The following BMPER variants were observed in gnomAD, a reference collection of about 807,000 sequenced individuals.
BMPER encodes BMP-binding endothelial regulator protein.
Under a neutral mutation model 87.3 loss-of-function variants are expected in BMPER, and 45 were observed. That is an observed-to-expected ratio of 0.52 (90% confidence interval 0.41 to 0.66). BMPER has a LOEUF of 0.66. Ranked by LOEUF, BMPER falls within the 30% of genes least tolerant of loss-of-function variation. The pLI is 0.00. For missense variants in BMPER, 784 were observed against 867.5 expected, an observed-to-expected ratio of 0.90 and a Z score of 1.21; for synonymous variants, 326 against 316.2, an observed-to-expected ratio of 1.03 and a Z score of -0.33.
chr7:33,927,557 A>G (rs887091215), intron 2 of BMPER, among the ~76,000 whole-genome samples: 2 of 152,190 alleles, frequency 1.3e-5, no homozygotes, highest in Non-Finnish European at 2.9e-5. Context: ...CCATCTTCCT[A>G]TATTGCAGTA....
chr7:33,919,058 G>GT (rs1361393218), intron 2 of BMPER, among the ~76,000 whole-genome samples: 1 of 152,160 alleles, frequency 6.6e-6, no homozygotes, highest in Non-Finnish European at 1.5e-5. Flanking sequence ...GTGCACGTGT[G>GT]TGGGGGGGAA....
chr7:33,991,947 T>C lies in BMPER; in HGVS notation c.576+17163T>C, dbSNP rs552406552. Reference sequence around the variant, plus strand: ...CGGTTTTGAGTGAGATTCTTAATCCTGAGTTCTAGTTTGATTGCACTGTGG... The same window carrying C: ...CGGTTTTGAGTGAGATTCTTAATCCCGAGTTCTAGTTTGATTGCACTGTGG... On this transcript the variant is annotated intron_variant, in intron 6 of 14. Coordinates refer to ENST00000649409, the MANE Select transcript of BMPER (RefSeq NM_001365308.1). Among the ~76,000 whole-genome samples, 51 of 142,952 alleles carry C rather than the reference T, an allele frequency of 3.6e-4. 1 individual carries two copies. The East Asian group carries it at 8.7e-3, about 24-fold the overall frequency. The allele number at this position is 142,952 out of a possible 152,430, so 93.8% of individuals were successfully genotyped here.
chr7:33,993,682 G>C (rs1333422836), intron 6 of BMPER, among the ~76,000 whole-genome samples: 2 of 152,102 alleles, frequency 1.3e-5, no homozygotes, highest in African/African-American at 2.4e-5. Context: ...TCCTTTGGAG[G>C]AGGAGAGGCC....
At chr7:34,035,514 A>T (rs1787639392) in intron 6 of BMPER, among the ~76,000 whole-genome samples, 1 of 152,236 alleles carries the variant, frequency 6.6e-6, no homozygotes, top group Admixed American at 6.5e-5. Context: ...AAAGACTTCT[A>T]AGTATAATTT....
intron 6 of BMPER, among the ~76,000 whole-genome samples, chr7:34,035,826 A>G (rs776836248): frequency 1.7e-4 from 26 of 152,196 alleles, no homozygotes; most frequent in Non-Finnish European, 3.4e-4. Flanking sequence ...CATATGAAGC[A>G]TTGTGGGAAC....
chr7:34,041,138 G>A (rs1466254203), intron 6 of BMPER, among the ~76,000 whole-genome samples: 3 of 152,150 alleles, frequency 2.0e-5, no homozygotes, highest in Admixed American at 1.3e-4. Flanking sequence ...AACTCAGCTT[G>A]GATGTTAGAA....
chr7:34,153,859 T>C lies in BMPER; in HGVS notation c.*586T>C, dbSNP rs1343856738. 6.4e-6 allele frequency: 1 copy of C among 155,752 alleles called. No homozygotes were observed. Among genetic ancestry groups the C allele is most frequent in the Non-Finnish European group, 1.4e-5 (1 of 69,858 alleles). The allele number at this position is 155,752 out of a possible 1,614,324, so 9.6% of individuals were successfully genotyped here. On this transcript the variant is annotated 3_prime_UTR_variant, in exon 15 of 15. Coordinates refer to ENST00000649409, the MANE Select transcript of BMPER (RefSeq NM_001365308.1). ...GAATGTATTAGGTCATGGGCTAACA[T>C]TATTTCCAAAATTGATTGGCTGGTT...
chr7:33,905,380 A>C (rs1411483430), upstream of BMPER: 4 of 394,108 alleles, frequency 1.0e-5, no homozygotes, highest in Admixed American at 3.9e-5. Context: ...AAAAAGCCGC[A>C]TCGGAGGAGC....
Position 34,031,883 on chromosome 7 carries a change from CATATATATATAT to C in BMPER, c.577-14389_577-14378del, listed in dbSNP as rs757962483. Among the ~76,000 whole-genome samples the C allele has an allele frequency of 7.0e-3, 370 of 53,066 alleles. 6 individuals carry two copies. The highest frequency in any genetic ancestry group is 0.048 in the Middle Eastern group (3 of 62). 34.8% of individuals were successfully genotyped at this position (53,066 alleles called of 152,430 possible). ...GCATGGCATTTAAAATTAATTTGAC[CATATATATATAT>C]ATATATATATATATATATATATATA... On this transcript the variant is annotated intron_variant, in intron 6 of 14. Transcript: ENST00000649409.
At chr7:33,976,566 T>A (rs1246042852) in intron 6 of BMPER, among the ~76,000 whole-genome samples, 1 of 150,482 alleles carries the variant, frequency 6.6e-6, no homozygotes, top group Admixed American at 6.6e-5. Context: ...TTTCTGATAA[T>A]TTTTTTTAAA....
intron 13 of BMPER, among the ~76,000 whole-genome samples, chr7:34,100,673 T>C (rs372768600): frequency 6.6e-6 from 1 of 152,214 alleles, no homozygotes; most frequent in Admixed American, 6.5e-5. Flanking sequence ...AAGTGGATTT[T>C]CTCTTTGCTC....
rs773880136 is a variant in BMPER at position 34,155,515 on chromosome 7, G to A, written c.*2242G>A. The stretch of plus-strand genomic sequence containing the variant: ...TCTTGGGTGGGTTGATTACAAGTTT[G>A]TGTGGCATTCCTTTAGCTGGGGATT... On this transcript the variant is annotated 3_prime_UTR_variant, in exon 15 of 15. Coordinates refer to ENST00000649409, the MANE Select transcript of BMPER (RefSeq NM_001365308.1). 5 of 152,190 alleles carry A rather than the reference G, an allele frequency of 3.3e-5. No homozygotes were observed. The highest frequency in any genetic ancestry group is 7.3e-5 in the Non-Finnish European group (5 of 68,038). 9.4% of individuals were successfully genotyped at this position (152,190 alleles called of 1,614,324 possible).
intron 13 of BMPER, among the ~76,000 whole-genome samples, chr7:34,102,566 G>A (rs1789709845): frequency 6.6e-6 from 1 of 152,174 alleles, no homozygotes; most frequent in Admixed American, 6.5e-5. Context: ...CACATACATA[G>A]AGTGGAAGAG....
chr7:34,015,823 C>G (rs1306838384), intron 6 of BMPER, among the ~76,000 whole-genome samples: 1 of 151,900 alleles, frequency 6.6e-6, no homozygotes, highest in Non-Finnish European at 1.5e-5. Flanking sequence ...AGCAATGTGG[C>G]TCACGCTGAG....
At chr7:33,967,616 G>T (rs1013648295) in intron 4 of BMPER, among the ~76,000 whole-genome samples, 2 of 152,172 alleles carry the variant, frequency 1.3e-5, no homozygotes, top group African/African-American at 4.8e-5. Context: ...ACAAATATTT[G>T]CTGGATTTTT....
intron 13 of BMPER, among the ~76,000 whole-genome samples, chr7:34,093,266 G>A (rs1789439725): frequency 6.6e-6 from 1 of 152,072 alleles, no homozygotes; most frequent in Admixed American, 6.5e-5. Context: ...GTATCCACTG[G>A]GCATTGCCAA....
chr7:33,991,268 CTATTGGT>C (rs1199792665), intron 6 of BMPER, among the ~76,000 whole-genome samples: 1 of 151,374 alleles, frequency 6.6e-6, no homozygotes. Context: ...GGTTGGTAAG[CTATTGGT>C]TATTGCCACA....
chr7:33,975,253 G>C (rs1318806607), intron 6 of BMPER, among the ~76,000 whole-genome samples: 2 of 152,100 alleles, frequency 1.3e-5, no homozygotes, highest in Admixed American at 1.3e-4. Context: ...CAGCTGCTTG[G>C]TTCTTTAGTG....
At chr7:34,053,189 G>A (rs1788191645) in intron 8 of BMPER, among the ~76,000 whole-genome samples, 1 of 152,170 alleles carries the variant, frequency 6.6e-6, no homozygotes, top group South Asian at 2.1e-4. Flanking sequence ...TGCGTAGCAG[G>A]AAGTATAATT....
Sources: gnomAD v4.1 joint callset for allele counts (sites outside exome capture counted in the v4.1 genomes callset) on GRCh38, gnomAD v4.1.1 for gene constraint, MANE v1.5 for transcripts, NCBI Gene and HGNC (gene_info 2026-07-23, HGNC 2026-07-21) for gene names.